The following DENND11 variants were observed in gnomAD, a reference collection of about 807,000 sequenced individuals.
DENND11 encodes DENN domain containing 11.
DENND11 carries 34 observed loss-of-function variants against 49.2 expected under a neutral mutation model. The ratio of observed to expected loss-of-function variants is 0.69; its 90% CI spans 0.53 to 0.92. The LOEUF is 0.92. Among genes scored for constraint, DENND11 ranks in the 40% least tolerant of loss-of-function variants. The pLI, the probability that DENND11 is intolerant of heterozygous loss-of-function variation, is 0.00. For missense variants in DENND11, 475 were observed against 581.6 expected (o/e 0.82, Z 1.88); for synonymous variants, 238 against 230.3 (o/e 1.03, Z -0.30).
chr7:141,699,588 C>T (rs1210647466), intron 1 of DENND11, among the ~76,000 whole-genome samples: 2 of 152,216 alleles, frequency 1.3e-5, no homozygotes, highest in African/African-American at 2.4e-5. Context: ...TGCTCCCTCT[C>T]ACACTGCGCT....
intron 3 of DENND11, among the ~76,000 whole-genome samples, chr7:141,674,639 AACTC>A (rs1798037718): frequency 6.6e-6 from 1 of 152,184 alleles, no homozygotes. Context: ...TTGTTTAGAG[AACTC>A]ACGCTTGCCT....
At chr7:141,693,237 G>A (rs1040858094) in intron 1 of DENND11, among the ~76,000 whole-genome samples, 1 of 152,162 alleles carries the variant, frequency 6.6e-6, no homozygotes, top group Non-Finnish European at 1.5e-5. Context: ...ATACACAGAT[G>A]GCAAATGACA....
intron 6 of DENND11, 26 bp downstream of exon 6, chr7:141,665,161 A>G: frequency 6.2e-7 from 1 of 1,612,580 alleles, no homozygotes; most frequent in Non-Finnish European, 8.5e-7. Flanking sequence ...CCTGAGGGCA[A>G]GATGAGGGGA....
chr7:141,699,502 G>T (rs986620320), intron 1 of DENND11, among the ~76,000 whole-genome samples: 10 of 152,124 alleles, frequency 6.6e-5, no homozygotes, highest in African/African-American at 1.9e-4. Context: ...GATGACAAAA[G>T]AGACAAACAC....
chr7:141,691,687 G>C lies in DENND11; in HGVS notation c.269-5029C>G, dbSNP rs140910516. Among the ~76,000 whole-genome samples the C allele has an allele frequency of 5.4e-3, 825 of 152,288 alleles. 4 individuals are homozygous for C. Among genetic ancestry groups the C allele is most frequent in the Non-Finnish European group, 8.9e-3 (603 of 68,024 alleles). On this transcript the variant is annotated intron_variant, in intron 1 of 8. Transcript: ENST00000536163. ...GGCACAGGCTCCAGAACACCACTCTGGGGAGAGGTATCCTTATCCCATGGC... is the reference window on the plus strand; with the variant it reads ...GGCACAGGCTCCAGAACACCACTCTCGGGAGAGGTATCCTTATCCCATGGC...
At position 141,666,341 on chromosome 7, in the gene DENND11, G is replaced by A. The variant is rs1191365778; in HGVS notation, c.766C>T (p.Arg256Ter). 11 of 1,613,200 alleles carry A rather than the reference G, an allele frequency of 6.8e-6. No individual in the cohort carries two copies. Among genetic ancestry groups the A allele is most frequent in the Non-Finnish European group, 9.3e-6 (11 of 1,179,442 alleles). Reference protein sequence around the residue: ...ILILWKFALLRKRILIFSPPP... With the variant: ...ILILWKFALL ...GGAGAAAATATCAAAATGCGCTTTC[G>A]AAGTAAGGCAAATTTCCAGAGGATG... is the stretch of plus-strand genomic sequence containing the variant. The change falls in exon 5 of 9, where the codon CGA becomes TGA. Residue 256 changes from arginine (R) to a stop codon, truncating the protein, a stop_gained. Coordinates refer to ENST00000536163, the MANE Select transcript of DENND11 (RefSeq NM_001080392.2). LOFTEE classifies it high-confidence loss of function.
At chr7:141,678,620 T>C (rs1269176619) in intron 3 of DENND11, among the ~76,000 whole-genome samples, 1 of 152,240 alleles carries the variant, frequency 6.6e-6, no homozygotes, top group East Asian at 1.9e-4. Flanking sequence ...TTTCCTAGAA[T>C]GTCTTAAAGA....
intron 4 of DENND11, among the ~76,000 whole-genome samples, chr7:141,669,702 ATAC>A (rs1797948520): frequency 1.3e-5 from 2 of 151,982 alleles, no homozygotes; most frequent in South Asian, 4.1e-4. Context: ...TGTATCATAT[ATAC>A]TATTTTTGAA....
intron 1 of DENND11, 40 bp from the exon 2 acceptor site, chr7:141,686,698 C>T (rs1798249100): frequency 6.9e-7 from 1 of 1,441,996 alleles, no homozygotes; most frequent in South Asian, 1.2e-5. Context: ...GAAACAACAT[C>T]ATTCAAAGAA....
At chr7:141,678,933 T>A (rs890126852) in intron 3 of DENND11, among the ~76,000 whole-genome samples, 1 of 152,178 alleles carries the variant, frequency 6.6e-6, no homozygotes, top group Non-Finnish European at 1.5e-5. Flanking sequence ...ATGAAATAGT[T>A]CTCCAATATC....
chr7:141,670,902 C>A (rs940341883), intron 4 of DENND11, among the ~76,000 whole-genome samples: 1 of 152,162 alleles, frequency 6.6e-6, no homozygotes, highest in Non-Finnish European at 1.5e-5. Context: ...TACATGGGAA[C>A]GTGAGCATCT....
rs1797769693 is a variant in DENND11, at chr7:141,660,349, C to G, written c.*2307G>C. The G allele has an allele frequency of 6.6e-6, 1 of 152,290 alleles. No homozygotes were observed. Among genetic ancestry groups the G allele is most frequent in the South Asian group, 2.1e-4 (1 of 4,834 alleles). The allele number at this position is 152,290 out of a possible 1,614,324, so 9.4% of individuals were successfully genotyped here. On this transcript the variant is annotated 3_prime_UTR_variant, in exon 9 of 9. Coordinates refer to ENST00000536163, the MANE Select transcript of DENND11 (RefSeq NM_001080392.2). ...CACTGCCTCACTGGCACGTTCTCCT[C>G]TGGGGCCACCCATACCCTGGCCCTC...
intron 3 of DENND11, among the ~76,000 whole-genome samples, chr7:141,674,627 CTT>C (rs1181262430): frequency 6.6e-6 from 1 of 152,160 alleles, no homozygotes; most frequent in Non-Finnish European, 1.5e-5. Flanking sequence ...TAAAGCCGCT[CTT>C]TGTTTAGAGA....
chr7:141,693,716 G>A (rs1435416388), intron 1 of DENND11, among the ~76,000 whole-genome samples: 1 of 152,190 alleles, frequency 6.6e-6, no homozygotes, highest in Non-Finnish European at 1.5e-5. Flanking sequence ...TTAAATGCAT[G>A]TAGCTAAATA....
intron 3 of DENND11, 61 bp from the exon 4 acceptor site, chr7:141,674,281 GC>G (rs1421291953): frequency 6.8e-7 from 1 of 1,469,608 alleles, no homozygotes; most frequent in East Asian, 2.5e-5. Flanking sequence ...CCTGGTCACA[GC>G]TCTGCTACCA....
In DENND11 at chr7:141,666,371, T is replaced by C; in HGVS notation, c.736A>G (p.Ile246Val). 6.2e-7 allele frequency: 1 copy of C among 1,613,284 alleles called. No individual in the cohort carries two copies. Among genetic ancestry groups the C allele is most frequent in the Non-Finnish European group, 8.5e-7 (1 of 1,179,470 alleles). ...SQFIKFFGEQ[I>V]LILWKFALLR... ...AAGGCAAATTTCCAGAGGATGAGGATCTGTTCTCCAAAGAACTTTATAAAC... is the reference window on the plus strand; with the variant it reads ...AAGGCAAATTTCCAGAGGATGAGGACCTGTTCTCCAAAGAACTTTATAAAC... Residue 246 changes from isoleucine to valine, a missense_variant, in exon 5 of 9, where the codon ATC becomes GTC. Coordinates refer to ENST00000536163, the MANE Select transcript of DENND11 (RefSeq NM_001080392.2).
chr7:141,694,560 C>G (rs1372860579), intron 1 of DENND11, among the ~76,000 whole-genome samples: 1 of 152,118 alleles, frequency 6.6e-6, no homozygotes, highest in East Asian at 1.9e-4. Context: ...TGTATTCACG[C>G]CCAGCCCATA....
At chr7:141,677,152 G>A (rs977926444) in intron 3 of DENND11, among the ~76,000 whole-genome samples, 8 of 152,040 alleles carry the variant, frequency 5.3e-5, no homozygotes, top group African/African-American at 7.2e-5. Context: ...CAGGCCGGGC[G>A]TGGTGGCTCA....
At chr7:141,677,463 GTATATATATT>G (rs1432472872) in intron 3 of DENND11, among the ~76,000 whole-genome samples, 12 of 139,960 alleles carry the variant, frequency 8.6e-5, no homozygotes, top group South Asian at 2.2e-4. Context: ...TTACATATGT[GTATATATATT>G]TATATATATT....
Sources: gnomAD v4.1 joint callset for allele counts (sites outside exome capture counted in the v4.1 genomes callset) on GRCh38, gnomAD v4.1.1 for gene constraint, MANE v1.5 for transcripts, NCBI Gene and HGNC (gene_info 2026-07-23, HGNC 2026-07-21) for gene names.